The following SULT1E1 variants were observed in gnomAD, a reference collection of about 807,000 sequenced individuals.
SULT1E1 encodes sulfotransferase family 1E member 1, also known as sulfotransferase 1E1.
A neutral mutation model predicts 33.6 loss-of-function variants in SULT1E1; 36 were observed. The observed-to-expected ratio is 1.07, with a 90% confidence interval of 0.82 to 1.41. The LOEUF is 1.41. Among genes scored for constraint, SULT1E1 ranks in the 40% most tolerant of loss-of-function variants. SULT1E1 has a pLI of 0.00. For synonymous variants in SULT1E1, 121 were observed against 111.7 expected (o/e 1.08, Z -0.53); for missense variants, 371 against 345.7 (o/e 1.07, Z -0.58).
intron 2 of SULT1E1, among the ~76,000 whole-genome samples, chr4:69,857,132 G>A (rs574964218): frequency 6.6e-6 from 1 of 152,208 alleles, no homozygotes; most frequent in East Asian, 1.9e-4. Context: ...AAGGGCTGGT[G>A]AGCTGAAAGA....
At position 69,841,390 on chromosome 4, in the gene SULT1E1, C is replaced by A. The variant is rs936139436; in HGVS notation, c.*604G>T. 2 of 151,994 alleles carry A rather than the reference C, an allele frequency of 1.3e-5. No homozygotes were observed. The highest frequency in any genetic ancestry group is 2.4e-5 in the African/African-American group (1 of 41,384). 9.4% of individuals were successfully genotyped at this position (151,994 alleles called of 1,614,324 possible). ...AGATGATAGTAGGAAAAAAAAGTTT[C>A]TTATTTCTCATATGCATGTACAGCT... On this transcript the variant is annotated 3_prime_UTR_variant, in exon 8 of 8. Transcript: ENST00000226444.
the SULT1E1 span, among the ~76,000 whole-genome samples, chr4:69,828,886 A>G: frequency 1.3e-5 from 2 of 152,154 alleles, no homozygotes; most frequent in Non-Finnish European, 2.9e-5. Context: ...GGCTGCTAGA[A>G]GGAGATCATC....
At chr4:69,831,844 C>T in the SULT1E1 span, among the ~76,000 whole-genome samples, 5 of 152,244 alleles carry the variant, frequency 3.3e-5, no homozygotes, top group East Asian at 7.7e-4. Context: ...CCACACCGCT[C>T]GGAGCACACA....
chr4:69,827,492 G>T, the SULT1E1 span, among the ~76,000 whole-genome samples: 2 of 152,014 alleles, frequency 1.3e-5, no homozygotes, highest in Admixed American at 6.5e-5. Context: ...CCATAACTCC[G>T]GGAAAGGAAG....
chr4:69,833,326 A>C, the SULT1E1 span, among the ~76,000 whole-genome samples: 1 of 152,224 alleles, frequency 6.6e-6, no homozygotes, highest in Non-Finnish European at 1.5e-5. Flanking sequence ...AATTGTTTTC[A>C]GGCATAGAAA....
the SULT1E1 span, among the ~76,000 whole-genome samples, chr4:69,834,708 T>A: frequency 1.3e-5 from 2 of 152,144 alleles, no homozygotes; most frequent in South Asian, 4.1e-4. Context: ...AACAGTAGCA[T>A]CAGCAGGAGA....
chr4:69,855,563 A>C, intron 2 of SULT1E1, 137 bp from the exon 3 acceptor site: 1 of 698,764 alleles, frequency 1.4e-6, no homozygotes, highest in Non-Finnish European at 2.1e-6. Context: ...CCACAGACTC[A>C]GGAAATATTT....
intron 4 of SULT1E1, among the ~76,000 whole-genome samples, chr4:69,851,188 A>G (rs946287030): frequency 1.3e-5 from 2 of 152,178 alleles, no homozygotes; most frequent in Non-Finnish European, 2.9e-5. Context: ...TGAAAAGGCA[A>G]CCTACAGAAT....
At chr4:69,830,522 A>G in the SULT1E1 span, among the ~76,000 whole-genome samples, 3 of 152,140 alleles carry the variant, frequency 2.0e-5, no homozygotes, top group Non-Finnish European at 4.4e-5. Context: ...TTTTTCCTGC[A>G]TTGGCTGCTT....
downstream of SULT1E1, chr4:69,841,192 T>C (rs1192402495): frequency 6.6e-6 from 1 of 152,208 alleles, no homozygotes; most frequent in Non-Finnish European, 1.5e-5. Flanking sequence ...TCCTACTAAA[T>C]GGAAAATCAA....
At chr4:69,839,416 C>A (rs1329787062), downstream of SULT1E1, among the ~76,000 whole-genome samples, 1 of 152,200 alleles carries the variant, frequency 6.6e-6, no homozygotes, top group Non-Finnish European at 1.5e-5. Flanking sequence ...CCAATCCATT[C>A]ATGAGTGCAG....
chr4:69,858,635 T>C (rs1340697735), intron 1 of SULT1E1, among the ~76,000 whole-genome samples: 1 of 151,892 alleles, frequency 6.6e-6, no homozygotes, highest in African/African-American at 2.4e-5. Context: ...CCCCAGCCCT[T>C]AGGACAATCT....
intron 7 of SULT1E1, among the ~76,000 whole-genome samples, chr4:69,843,634 C>T (rs1852802): frequency 0.12 from 17,602 of 152,088 alleles, 1,132 homozygotes; most frequent in Middle Eastern, 0.16. Flanking sequence ...CAGGCTATGT[C>T]TCCCCCCAAA....
the SULT1E1 span, among the ~76,000 whole-genome samples, chr4:69,826,218 G>A: frequency 6.6e-6 from 1 of 152,084 alleles, no homozygotes. Context: ...TCATTCTGGG[G>A]ACATAACATC....
chr4:69,851,450 T>G (rs377295367), intron 4 of SULT1E1, among the ~76,000 whole-genome samples: 1 of 151,964 alleles, frequency 6.6e-6, no homozygotes, highest in African/African-American at 2.4e-5. Flanking sequence ...GTTAGAATGG[T>G]GATCATTAAA....
chr4:69,838,333 T>C (rs1720826920), downstream of SULT1E1: 1 of 152,168 alleles, frequency 6.6e-6, no homozygotes, highest in African/African-American at 2.4e-5. Context: ...TCTTTCATTT[T>C]GCTGAACTGA....
chr4:69,837,637 A>T (rs1289742871), downstream of SULT1E1, among the ~76,000 whole-genome samples: 1 of 152,210 alleles, frequency 6.6e-6, no homozygotes, highest in Admixed American at 6.5e-5. Context: ...CTAAAGACAA[A>T]AAAGAACCAC....
At chr4:69,849,586 TA>T in intron 4 of SULT1E1, 23 bp from the exon 5 acceptor site, 6 of 1,550,712 alleles carry the variant, frequency 3.9e-6, no homozygotes, top group Non-Finnish European at 1.7e-6. Context: ...AATTGTATAT[TA>T]AACCACTTAA....
chr4:69,835,165 C>T, the SULT1E1 span, among the ~76,000 whole-genome samples: 1 of 152,112 alleles, frequency 6.6e-6, no homozygotes, highest in Non-Finnish European at 1.5e-5. Flanking sequence ...CCATTATTGC[C>T]CAGCTGATTG....
Sources: gnomAD v4.1 joint callset for allele counts (sites outside exome capture counted in the v4.1 genomes callset) on GRCh38, gnomAD v4.1.1 for gene constraint, MANE v1.5 for transcripts, NCBI Gene and HGNC (gene_info 2026-07-23, HGNC 2026-07-21) for gene names.